WT1: variants seen among roughly 807,000 people sequenced by gnomAD.
The protein encoded by WT1 is Wilms tumor protein.
A neutral mutation model predicts 60.8 loss-of-function variants in WT1; 8 were observed. The ratio of observed to expected loss-of-function variants is 0.13; its 90% CI spans 0.08 to 0.24. The LOEUF (loss-of-function observed/expected upper bound fraction) is 0.24. Ranked by LOEUF, WT1 falls within the 10% of genes least tolerant of loss-of-function variation. The pLI is 1.00. For missense variants in WT1, 568 were observed against 711.8 expected (o/e 0.80, Z 2.30); for synonymous variants, 312 against 297.1 (o/e 1.05, Z -0.52).
At chr11:32,428,356 C>A (rs1853134106) in intron 2 of WT1, 141 bp downstream of exon 2, 1 of 1,427,874 alleles carries the variant, frequency 7.0e-7, no homozygotes, top group East Asian at 2.5e-5. Context: ...CCTTTAAATA[C>A]AGTGCCATTG....
intron 1 of WT1, among the ~76,000 whole-genome samples, chr11:32,429,979 A>AG (rs1853218302): frequency 1.4e-5 from 1 of 71,878 alleles, no homozygotes. Context: ...CCCCGCCCAG[A>AG]AAAAAAAAAA....
At chr11:32,391,870 A>T (rs999752540) in intron 9 of WT1, 102 bp downstream of exon 9, 2 of 1,217,988 alleles carry the variant, frequency 1.6e-6, no homozygotes, top group African/African-American at 3.0e-5. Flanking sequence ...TCTAAACCTT[A>T]GAACTTTTAC....
chr11:32,395,837 A>T (rs944379819), intron 7 of WT1, among the ~76,000 whole-genome samples: 12 of 151,924 alleles, frequency 7.9e-5, no homozygotes, highest in Non-Finnish European at 1.5e-4. Context: ...ATTATTACTG[A>T]CCCAAGCAGG....
At chr11:32,419,029 T>G (rs992086069) in intron 3 of WT1, among the ~76,000 whole-genome samples, 1 of 152,204 alleles carries the variant, frequency 6.6e-6, no homozygotes, top group African/African-American at 2.4e-5. Flanking sequence ...GACTGGCTAT[T>G]ATGCTACTAC....
intron 5 of WT1, 79 bp from the exon 6 acceptor site, chr11:32,400,123 G>A: frequency 6.6e-7 from 1 of 1,526,580 alleles, no homozygotes; most frequent in Admixed American, 1.8e-5. Context: ...AATCAGGAGG[G>A]AATGATGGTT....
chr11:32,417,943 A>G (rs1261848624), intron 3 of WT1, among the ~76,000 whole-genome samples: 1 of 152,160 alleles, frequency 6.6e-6, no homozygotes, highest in Admixed American at 6.5e-5. Context: ...TTTGAGGGGA[A>G]AAGGCTAAGG....
intron 5 of WT1, among the ~76,000 whole-genome samples, chr11:32,405,735 A>G (rs1416898169): frequency 2.0e-5 from 3 of 152,162 alleles, no homozygotes; most frequent in Admixed American, 1.3e-4. Context: ...AGTGCTTGGT[A>G]TGCACTCAAT....
chr11:32,421,563 T>G (rs1170471156), intron 3 of WT1, among the ~76,000 whole-genome samples: 1 of 152,154 alleles, frequency 6.6e-6, no homozygotes, highest in Non-Finnish European at 1.5e-5. Flanking sequence ...GAAAGAAACT[T>G]CTATAACTGG....
intron 7 of WT1, among the ~76,000 whole-genome samples, chr11:32,393,309 C>T (rs1399524212): frequency 6.6e-6 from 1 of 152,238 alleles, no homozygotes; most frequent in African/African-American, 2.4e-5. Context: ...ACCCTCAAAA[C>T]ACACCAAAAG....
chr11:32,418,880 G>A (rs1852764385), intron 3 of WT1, among the ~76,000 whole-genome samples: 1 of 152,176 alleles, frequency 6.6e-6, no homozygotes, highest in Non-Finnish European at 1.5e-5. Flanking sequence ...ACTCCTTAGT[G>A]GTGGGTACAC....
In WT1 at chr11:32,428,585, G is replaced by A. The variant is rs9332974; in HGVS notation, c.696C>T (p.Ser232=). The A allele has an allele frequency of 5.1e-5, 83 of 1,613,976 alleles. 1 individual carries two copies. In the East Asian group the frequency reaches 1.7e-3, roughly 33 times the overall value. Residue 232 remains serine (S), a synonymous_variant, in exon 2 of 10, where the codon AGC becomes AGT. Transcript: ENST00000452863. Reference sequence around the variant, plus strand: ...CATGGTGCGAGGGCGTGTGACCGTAGCTGGGCGTCCCGTCGAAGGTGACCG... The same window carrying A: ...CATGGTGCGAGGGCGTGTGACCGTAACTGGGCGTCCCGTCGAAGGTGACCG...
At position 32,389,033 on chromosome 11, in the gene WT1, C is replaced by T. The variant is rs2132896462; in HGVS notation, c.*25G>A. Reference sequence around the variant, plus strand: ...TTCACACACTGTGCTGCCTGGGACACTGAACGGTCCCCGAGGGAGACCCCT... The same window carrying T: ...TTCACACACTGTGCTGCCTGGGACATTGAACGGTCCCCGAGGGAGACCCCT... On this transcript the variant is annotated 3_prime_UTR_variant, in exon 10 of 10. Coordinates refer to ENST00000452863, the MANE Select transcript of WT1 (RefSeq NM_024426.6). 6.2e-7 allele frequency: 1 copy of T among 1,614,152 alleles called. No homozygotes were observed. Among genetic ancestry groups the T allele is most frequent in the Non-Finnish European group, 8.5e-7 (1 of 1,180,002 alleles).
At chr11:32,391,818 T>C (rs916284122) in intron 9 of WT1, among the ~76,000 whole-genome samples, 154 bp downstream of exon 9, 1 of 152,236 alleles carries the variant, frequency 6.6e-6, no homozygotes, top group Non-Finnish European at 1.5e-5. Context: ...TTATTATTTA[T>C]TATTTAAAGA....
At chr11:32,391,036 T>C (rs1328955744) in intron 9 of WT1, among the ~76,000 whole-genome samples, 2 of 152,296 alleles carry the variant, frequency 1.3e-5, no homozygotes, top group Non-Finnish European at 2.9e-5. Flanking sequence ...TGGAGTACAG[T>C]GGTGGGATCA....
intron 2 of WT1, 115 bp from the exon 3 acceptor site, chr11:32,428,173 G>T: frequency 9.7e-7 from 1 of 1,033,672 alleles, no homozygotes; most frequent in Non-Finnish European, 1.4e-6. Context: ...CTGGGGCCTG[G>T]ATGAGCGGCG....
chr11:32,428,011 G>C lies in WT1; in HGVS notation c.832C>G (p.Pro278Ala), dbSNP rs773527284. 7.4e-6 allele frequency: 12 copies of C among 1,611,364 alleles called. No individual in the cohort carries two copies. In the South Asian group the frequency reaches 1.2e-4, roughly 16 times the overall value. Residue 278 changes from proline to alanine, a missense_variant, in exon 3 of 10, where the codon CCC (proline) becomes GCC (alanine). Around this residue, in one of 3 missense-constraint regions of WT1, gnomAD observed 523 missense variants for 565.1 expected, o/e 0.93. Coordinates refer to ENST00000452863, the MANE Select transcript of WT1 (RefSeq NM_024426.6). ...TGGCTGCCGGTGCAGCTGTCGGTGGGGGTGTGGCAGCCATAGACCGGGGGC... is the reference window on the plus strand; with the variant it reads ...TGGCTGCCGGTGCAGCTGTCGGTGGCGGTGTGGCAGCCATAGACCGGGGGC...
At position 32,434,762 on chromosome 11, in the gene WT1, A is replaced by C. The variant is rs2133101589; in HGVS notation, c.599T>G (p.Met200Arg). Residue 200 changes from methionine (M) to arginine (R), a missense_variant, in exon 1 of 10, where the codon ATG becomes AGG. Physicochemically the swap from Met to Arg is moderately conservative, Grantham distance 91 (BLOSUM62 -1). Around this residue, in one of 3 missense-constraint regions of WT1, gnomAD observed 523 missense variants for 565.1 expected, o/e 0.93. Coordinates refer to ENST00000452863, the MANE Select transcript of WT1 (RefSeq NM_024426.6). ...GGGCAGGTAGGGCGCGTTAGGAAAC[A>C]TCCTGGCCTGGCCGGATGACGCCTG... 3 of 1,612,900 alleles carry C rather than the reference A, an allele frequency of 1.9e-6. No individual in the cohort carries two copies. Among genetic ancestry groups the C allele is most frequent in the Non-Finnish European group, 2.5e-6 (3 of 1,179,924 alleles).
rs1322205856 is a variant in WT1 at position 32,431,801 on chromosome 11, G to A, written c.661+2899C>T. Among the ~76,000 whole-genome samples, 4 of 151,860 alleles carry A rather than the reference G, an allele frequency of 2.6e-5. No homozygotes were observed. The East Asian group carries it at 7.7e-4, about 29-fold the overall frequency. ...ACCCCACATCTGCCCTCACAAACCC[G>A]TCAACCCCCACACATGGACTAAGAG... On this transcript the variant is annotated intron_variant, in intron 1 of 9. Coordinates refer to ENST00000452863, the MANE Select transcript of WT1 (RefSeq NM_024426.6).
chr11:32,391,138 C>T (rs1300911545), intron 9 of WT1, among the ~76,000 whole-genome samples: 4 of 152,110 alleles, frequency 2.6e-5, no homozygotes, highest in Non-Finnish European at 4.4e-5. Context: ...GTCCACACCA[C>T]CATGCCCAGC....
Sources: allele counts gnomAD v4.1 joint callset (sites outside exome capture counted in the v4.1 genomes callset), GRCh38; gene constraint gnomAD v4.1.1; regional missense constraint gnomAD v4.1.1; transcripts MANE v1.5; gene names NCBI Gene and HGNC (gene_info 2026-07-23, HGNC 2026-07-21).